NRG3: variants seen among roughly 807,000 people sequenced by gnomAD.
The protein encoded by NRG3 is neuregulin 3.
In NRG3, 31 loss-of-function variants were observed where a neutral mutation model predicts 66.9. The observed-to-expected ratio is 0.46, with a 90% CI of 0.35 to 0.63. NRG3 has a LOEUF of 0.63. Ranked by LOEUF, NRG3 falls within the 20% of genes least tolerant of loss-of-function variation. The pLI, the probability that NRG3 is intolerant of heterozygous loss-of-function variation, is 0.00. For missense variants in NRG3, 910 were observed against 878.9 expected, an observed-to-expected ratio of 1.04 and a Z score of -0.45; for synonymous variants, 393 against 359.4, an observed-to-expected ratio of 1.09 and a Z score of -1.06.
At chr10:82,351,190 C>G (rs894450503) in intron 1 of NRG3, among the ~76,000 whole-genome samples, 1 of 152,140 alleles carries the variant, frequency 6.6e-6, no homozygotes. Flanking sequence ...CACTCGCACC[C>G]GGCCGTGTTA....
At chr10:82,292,455 A>G (rs1319582065) in intron 1 of NRG3, among the ~76,000 whole-genome samples, 1 of 152,206 alleles carries the variant, frequency 6.6e-6, no homozygotes, top group Non-Finnish European at 1.5e-5. Context: ...CCATGCAAAT[A>G]TCATATGACA....
chr10:82,141,257 A>G (rs1444849247), intron 1 of NRG3, among the ~76,000 whole-genome samples: 1 of 152,144 alleles, frequency 6.6e-6, no homozygotes, highest in African/African-American at 2.4e-5. Flanking sequence ...ATGATTCAGG[A>G]AAGTAATTTC....
chr10:82,921,464 A>C (rs935200779), intron 4 of NRG3, among the ~76,000 whole-genome samples: 13 of 152,196 alleles, frequency 8.5e-5, no homozygotes, highest in African/African-American at 3.1e-4. Context: ...ATATTGCTTC[A>C]GTGTTGATTC....
intron 1 of NRG3, among the ~76,000 whole-genome samples, chr10:82,011,999 C>T (rs1589775803): frequency 1.3e-5 from 2 of 152,300 alleles, no homozygotes; most frequent in Admixed American, 6.5e-5. Context: ...GGCAATGCCC[C>T]AGTGGGGACT....
chr10:82,471,311 C>T (rs1220612602), intron 2 of NRG3, among the ~76,000 whole-genome samples: 1 of 152,106 alleles, frequency 6.6e-6, no homozygotes, highest in Non-Finnish European at 1.5e-5. Context: ...CTTCCCACGG[C>T]TCCACCCCAT....
At chr10:82,356,043 C>CTGAT (rs1489201693) in intron 1 of NRG3, among the ~76,000 whole-genome samples, 7 of 152,122 alleles carry the variant, frequency 4.6e-5, no homozygotes, top group Non-Finnish European at 2.9e-5. Context: ...CATGTTAAGC[C>CTGAT]TGATATCTGA....
chr10:82,724,338 A>G (rs1473931370), intron 2 of NRG3, among the ~76,000 whole-genome samples: 3 of 152,110 alleles, frequency 2.0e-5, no homozygotes. Flanking sequence ...TGAATGTCAT[A>G]CATAATGAAA....
At chr10:82,822,954 T>G (rs1400492128) in intron 3 of NRG3, among the ~76,000 whole-genome samples, 4 of 152,238 alleles carry the variant, frequency 2.6e-5, no homozygotes, top group African/African-American at 9.6e-5. Context: ...GCTAACAGGC[T>G]GACTGCGGCT....
chr10:82,525,014 C>G (rs555638423), intron 2 of NRG3, among the ~76,000 whole-genome samples: 2 of 151,904 alleles, frequency 1.3e-5, no homozygotes, highest in East Asian at 3.9e-4. Flanking sequence ...AAGTGATATG[C>G]AGCAGTGATC....
At chr10:82,465,146 A>G (rs1840555962) in intron 2 of NRG3, among the ~76,000 whole-genome samples, 1 of 152,198 alleles carries the variant, frequency 6.6e-6, no homozygotes, top group African/African-American at 2.4e-5. Context: ...GCTAACGATA[A>G]TGGGGCTATT....
At chr10:82,039,888 A>G (rs1166108459) in intron 1 of NRG3, among the ~76,000 whole-genome samples, 1 of 152,144 alleles carries the variant, frequency 6.6e-6, no homozygotes, top group Non-Finnish European at 1.5e-5. Context: ...ATCCCTGTTC[A>G]GGGATATGGG....
At chr10:82,942,888 C>G (rs1013747737) in intron 4 of NRG3, among the ~76,000 whole-genome samples, 15 of 152,018 alleles carry the variant, frequency 9.9e-5, no homozygotes, top group African/African-American at 3.6e-4. Flanking sequence ...TATTACATCC[C>G]TCAAAATTTC....
At chr10:82,689,690 C>A (rs1441462621) in intron 2 of NRG3, among the ~76,000 whole-genome samples, 1 of 152,114 alleles carries the variant, frequency 6.6e-6, no homozygotes, top group Non-Finnish European at 1.5e-5. Context: ...TTTTCATTAC[C>A]ACAAACTGAA....
At chr10:82,800,383 C>A (rs188674871) in intron 3 of NRG3, among the ~76,000 whole-genome samples, 1 of 152,064 alleles carries the variant, frequency 6.6e-6, no homozygotes, top group Non-Finnish European at 1.5e-5. Context: ...TTATTTTTAC[C>A]TACGGGCAAG....
chr10:82,015,404 A>G (rs2061743243), intron 1 of NRG3, among the ~76,000 whole-genome samples: 3 of 152,110 alleles, frequency 2.0e-5, no homozygotes. Flanking sequence ...GTTGGGAACA[A>G]ATCTCATCAA....
intron 3 of NRG3, among the ~76,000 whole-genome samples, chr10:82,746,208 C>T (rs2058638972): frequency 6.6e-6 from 1 of 152,090 alleles, no homozygotes; most frequent in Admixed American, 6.6e-5. Context: ...TGGTTTTAAC[C>T]ATTATGTTGA....
At chr10:82,545,776 A>T (rs1313479276) in intron 2 of NRG3, among the ~76,000 whole-genome samples, 1 of 143,140 alleles carries the variant, frequency 7.0e-6, no homozygotes, top group Non-Finnish European at 1.5e-5. Context: ...AATATATAAT[A>T]TCAACTCTTT....
chr10:82,450,837 A>T (rs1336945683), intron 2 of NRG3, among the ~76,000 whole-genome samples: 1 of 152,186 alleles, frequency 6.6e-6, no homozygotes, highest in Admixed American at 6.5e-5. Context: ...AAAATACTCA[A>T]CAGTTGCCCT....
intron 2 of NRG3, among the ~76,000 whole-genome samples, chr10:82,713,628 T>C (rs900931174): frequency 6.6e-6 from 1 of 152,210 alleles, no homozygotes; most frequent in Non-Finnish European, 1.5e-5. Flanking sequence ...ATATTCCAAA[T>C]AATACAAATA....
Sources: gnomAD v4.1 joint callset for allele counts (sites outside exome capture counted in the v4.1 genomes callset) on GRCh38, gnomAD v4.1.1 for gene constraint, MANE v1.5 for transcripts, NCBI Gene and HGNC (gene_info 2026-07-23, HGNC 2026-07-21) for gene names.